AKAP6: variants seen among roughly 807,000 people sequenced by gnomAD.
The protein encoded by AKAP6 is A-kinase anchor protein 6.
A neutral mutation model predicts 188.5 loss-of-function variants in AKAP6; 58 were observed. The ratio of observed to expected loss-of-function variants is 0.31; its 90% confidence interval spans 0.25 to 0.38. AKAP6 has a LOEUF of 0.38. Ranked by LOEUF, AKAP6 falls within the 10% of genes least tolerant of loss-of-function variation. AKAP6 has a pLI of 1.00. For synonymous variants in AKAP6, 989 were observed against 998.6 expected (o/e 0.99, Z 0.18); for missense variants, 2,710 against 2,740.0 (o/e 0.99, Z 0.24).
At chr14:32,551,426 G>C (rs753989613) in intron 4 of AKAP6, among the ~76,000 whole-genome samples, 1 of 151,718 alleles carries the variant, frequency 6.6e-6, no homozygotes, top group Admixed American at 6.6e-5. Flanking sequence ...ACAAAAATTA[G>C]CCAGGTGTGA....
rs1339270972 is a variant in AKAP6, at chr14:32,824,295, A to T, written c.6482A>T (p.Glu2161Val). 2 of 1,613,742 alleles carry T rather than the reference A, an allele frequency of 1.2e-6. No individual in the cohort carries two copies. Among genetic ancestry groups the T allele is most frequent in the East Asian group, 4.5e-5 (2 of 44,884 alleles). The change falls in exon 13 of 14, where the codon GAG becomes GTG. Residue 2161 changes from glutamate to valine, a missense_variant. Physicochemically the swap from Glu to Val is moderately radical, Grantham distance 121 (BLOSUM62 -2). Around this residue, in one of 2 missense-constraint regions of AKAP6, gnomAD observed 2,473 missense variants for 2,426.1 expected, o/e 1.02. Transcript: ENST00000280979. Reference sequence around the variant, plus strand: ...GAATGCTTTTTTGAGGCCTGTGTTGAGGGTGACTCTGATGGAGAGGAGCCT... The same window carrying T: ...GAATGCTTTTTTGAGGCCTGTGTTGTGGGTGACTCTGATGGAGAGGAGCCT... ...DIECFFEACV[E>V]GDSDGEEPCF...
intron 9 of AKAP6, among the ~76,000 whole-genome samples, chr14:32,725,008 A>AAC (rs2030785108): frequency 6.7e-6 from 1 of 149,934 alleles, no homozygotes; most frequent in Non-Finnish European, 1.5e-5. Flanking sequence ...AAAAAAAAAA[A>AAC]AAAAAAAAAC....
chr14:32,355,712 A>G (rs1887460054), intron 1 of AKAP6, among the ~76,000 whole-genome samples: 1 of 152,196 alleles, frequency 6.6e-6, no homozygotes, highest in Admixed American at 6.5e-5. Context: ...AATAACTTTA[A>G]TGTGATATGA....
At chr14:32,557,498 C>A (rs1017000759) in intron 4 of AKAP6, among the ~76,000 whole-genome samples, 1 of 152,170 alleles carries the variant, frequency 6.6e-6, no homozygotes, top group African/African-American at 2.4e-5. Flanking sequence ...CTTTTTTATT[C>A]ACCCACAGAG....
intron 12 of AKAP6, among the ~76,000 whole-genome samples, chr14:32,810,286 C>T (rs2034192342): frequency 6.6e-6 from 1 of 151,622 alleles, no homozygotes; most frequent in African/African-American, 2.4e-5. Context: ...AATGAATTCA[C>T]ATTTTGAAAT....
intron 9 of AKAP6, among the ~76,000 whole-genome samples, chr14:32,723,193 A>G (rs1171673807): frequency 6.6e-6 from 1 of 152,156 alleles, no homozygotes; most frequent in Non-Finnish European, 1.5e-5. Flanking sequence ...AAAAATTTAC[A>G]TCTACCTTCT....
intron 2 of AKAP6, among the ~76,000 whole-genome samples, chr14:32,473,042 C>T (rs1378703091): frequency 6.6e-6 from 1 of 152,190 alleles, no homozygotes; most frequent in African/African-American, 2.4e-5. Flanking sequence ...CACCCAAACA[C>T]ACATATTTGC....
At chr14:32,420,983 G>A (rs575888574) in intron 1 of AKAP6, among the ~76,000 whole-genome samples, 14 of 150,338 alleles carry the variant, frequency 9.3e-5, no homozygotes, top group African/African-American at 3.4e-4. Flanking sequence ...TTGATTATTA[G>A]TCTATATTAT....
intron 7 of AKAP6, among the ~76,000 whole-genome samples, chr14:32,603,327 A>C (rs1194397744): frequency 1.3e-5 from 2 of 152,126 alleles, no homozygotes; most frequent in Non-Finnish European, 2.9e-5. Flanking sequence ...AGATGGCACA[A>C]TGACCTAAAT....
chr14:32,761,478 T>G (rs1425329032), intron 11 of AKAP6, among the ~76,000 whole-genome samples: 2 of 152,140 alleles, frequency 1.3e-5, no homozygotes, highest in African/African-American at 4.8e-5. Flanking sequence ...AAAATAAGGC[T>G]TGCTAGAGGA....
intron 7 of AKAP6, among the ~76,000 whole-genome samples, chr14:32,665,029 G>T (rs761663594): frequency 6.6e-6 from 1 of 152,068 alleles, no homozygotes; most frequent in Non-Finnish European, 1.5e-5. Flanking sequence ...GTTAAGATAT[G>T]TGTAGAGAAA....
chr14:32,576,507 C>A (rs769708586), intron 4 of AKAP6, among the ~76,000 whole-genome samples: 2 of 152,164 alleles, frequency 1.3e-5, no homozygotes, highest in African/African-American at 2.4e-5. Context: ...TACCCGAAGT[C>A]AAGTATTTAT....
intron 1 of AKAP6, among the ~76,000 whole-genome samples, chr14:32,398,254 T>C (rs1168523444): frequency 6.6e-6 from 1 of 152,222 alleles, no homozygotes; most frequent in Non-Finnish European, 1.5e-5. Flanking sequence ...AGGCTCTGCC[T>C]CTGATTTGTG....
At chr14:32,777,505 A>G (rs939099517) in intron 12 of AKAP6, among the ~76,000 whole-genome samples, 1 of 152,182 alleles carries the variant, frequency 6.6e-6, no homozygotes, top group Admixed American at 6.5e-5. Context: ...ATCTACCTGA[A>G]ATCACATTAT....
intron 1 of AKAP6, among the ~76,000 whole-genome samples, chr14:32,347,302 A>T (rs1157805096): frequency 6.6e-6 from 1 of 152,302 alleles, no homozygotes; most frequent in African/African-American, 2.4e-5. Context: ...TAGCTAACCC[A>T]TATGTCTTGA....
At chr14:32,628,956 T>C (rs552187240) in intron 7 of AKAP6, among the ~76,000 whole-genome samples, 53 of 152,220 alleles carry the variant, frequency 3.5e-4, no homozygotes, top group Non-Finnish European at 6.5e-4. Context: ...AAATAAGCTG[T>C]TTTCTAAATA....
At chr14:32,352,254 C>CTTT (rs564666869) in intron 1 of AKAP6, among the ~76,000 whole-genome samples, 1 of 140,646 alleles carries the variant, frequency 7.1e-6, no homozygotes, top group Non-Finnish European at 1.6e-5. Flanking sequence ...CCTCCCATTT[C>CTTT]TTTTTTTTTT....
intron 2 of AKAP6, among the ~76,000 whole-genome samples, chr14:32,516,038 C>T (rs1190324019): frequency 6.6e-6 from 1 of 152,152 alleles, no homozygotes; most frequent in Non-Finnish European, 1.5e-5. Context: ...TCTTCATAAC[C>T]CTGTGACCTA....
At chr14:32,439,623 G>T (rs1890503125) in intron 2 of AKAP6, among the ~76,000 whole-genome samples, 1 of 152,128 alleles carries the variant, frequency 6.6e-6, no homozygotes, top group Non-Finnish European at 1.5e-5. Context: ...AGATGGCAGT[G>T]GTGCCACCAA....
Sources: gnomAD v4.1 joint callset for allele counts (sites outside exome capture counted in the v4.1 genomes callset) on GRCh38, gnomAD v4.1.1 for gene constraint, gnomAD v4.1.1 regional missense constraint, MANE v1.5 for transcripts, NCBI Gene and HGNC (gene_info 2026-07-23, HGNC 2026-07-21) for gene names.